SMYD3: variants seen among roughly 807,000 people sequenced by gnomAD.
SMYD3 encodes histone-lysine N-methyltransferase SMYD3.
Under a neutral mutation model 57.7 loss-of-function variants are expected in SMYD3, and 36 were observed. That is an observed-to-expected ratio of 0.62 (90% CI 0.48 to 0.82). The LOEUF (loss-of-function observed/expected upper bound fraction) is 0.82. SMYD3 is among the 40% of genes least tolerant of loss of function. The pLI is 0.00. For missense variants in SMYD3, 515 were observed against 538.8 expected (o/e 0.96, Z 0.44); for synonymous variants, 211 against 195.0 (o/e 1.08, Z -0.68).
intron 5 of SMYD3, among the ~76,000 whole-genome samples, chr1:246,303,333 T>C (rs920249552): frequency 6.6e-6 from 1 of 152,144 alleles, no homozygotes; most frequent in Non-Finnish European, 1.5e-5. Flanking sequence ...TGAGTGCTGT[T>C]TTAAGCCACT....
intron 5 of SMYD3, among the ~76,000 whole-genome samples, chr1:246,123,571 A>AACAAAC (rs2061457339): frequency 4.6e-5 from 6 of 129,488 alleles, no homozygotes; most frequent in Non-Finnish European, 8.2e-5. Context: ...TCCATCTCAA[A>AACAAAC]ACACACACAC....
Position 245,929,897 on chromosome 1 carries a change from T to C in SMYD3, c.572A>G (p.Gln191Arg), listed in dbSNP as rs1054051754. Residue 191 changes from glutamine to arginine, a missense_variant, in exon 6 of 12, where the codon CAG becomes CGG. Coordinates refer to ENST00000490107, the MANE Select transcript of SMYD3 (RefSeq NM_001167740.2). ...NSFTICNAEM[Q>R]EVGVGLYPSI... The stretch of plus-strand genomic sequence containing the variant: ...GGGATATAGGCCAACACCAACTTCC[T>C]GCATCTCCGCATTACAGATGGTGAA... 172 of 1,613,692 alleles carry C rather than the reference T, an allele frequency of 1.1e-4. No homozygotes were observed. Among genetic ancestry groups the C allele is most frequent in the Non-Finnish European group, 1.4e-4 (161 of 1,179,786 alleles).
chr1:245,883,981 T>G (rs1341734986), intron 8 of SMYD3, among the ~76,000 whole-genome samples: 1 of 152,202 alleles, frequency 6.6e-6, no homozygotes, highest in Non-Finnish European at 1.5e-5. Context: ...TGTCTAATAT[T>G]TCTATTTAAT....
At chr1:246,244,816 C>T (rs1483955828) in intron 5 of SMYD3, among the ~76,000 whole-genome samples, 1 of 152,214 alleles carries the variant, frequency 6.6e-6, no homozygotes, top group African/African-American at 2.4e-5. Context: ...TATCTGGCTA[C>T]AGCAGTTTTC....
chr1:245,853,331 G>A (rs766063459), intron 10 of SMYD3, among the ~76,000 whole-genome samples: 7 of 152,198 alleles, frequency 4.6e-5, no homozygotes, highest in South Asian at 2.1e-4. Flanking sequence ...TGACACAAGC[G>A]TCCTCAGAGA....
In SMYD3 at chr1:246,328,871, T is replaced by G. The variant is rs566843440; in HGVS notation, c.395-1534A>C. On this transcript the variant is annotated intron_variant, in intron 4 of 11. Coordinates refer to ENST00000490107, the MANE Select transcript of SMYD3 (RefSeq NM_001167740.2). ...CCACCCCACAACAGTCCCCAGAGTG[T>G]GCTGTTCCCCTTCCTGTGTCCATGT... is the stretch of plus-strand genomic sequence containing the variant. Among the ~76,000 whole-genome samples the G allele has an allele frequency of 4.0e-5, 6 of 151,054 alleles. No individual in the cohort carries two copies. In the East Asian group the frequency reaches 1.2e-3, roughly 30 times the overall value.
At chr1:245,764,216 G>T in intron 10 of SMYD3, 67 bp from the exon 11 acceptor site, 2 of 1,049,744 alleles carry the variant, frequency 1.9e-6, no homozygotes, top group Non-Finnish European at 3.0e-6. Context: ...TTCATCAGGA[G>T]ACTACGAAAG....
At chr1:245,979,013 A>G (rs1260476110) in intron 5 of SMYD3, among the ~76,000 whole-genome samples, 1 of 152,202 alleles carries the variant, frequency 6.6e-6, no homozygotes. Context: ...ACCGTATATC[A>G]GAGAGCCCTT....
At chr1:245,891,280 T>C (rs1269713015) in intron 8 of SMYD3, among the ~76,000 whole-genome samples, 1 of 152,246 alleles carries the variant, frequency 6.6e-6, no homozygotes, top group East Asian at 1.9e-4. Flanking sequence ...ATACCCCATT[T>C]ATCCTAACAT....
chr1:245,962,033 C>A (rs1240990691), intron 5 of SMYD3, among the ~76,000 whole-genome samples: 2 of 152,176 alleles, frequency 1.3e-5, no homozygotes, highest in African/African-American at 4.8e-5. Context: ...CTCAGAGCAG[C>A]CTGGCTTCCA....
intron 5 of SMYD3, among the ~76,000 whole-genome samples, chr1:246,070,745 G>A (rs944697494): frequency 6.6e-6 from 1 of 152,228 alleles, no homozygotes; most frequent in Admixed American, 6.5e-5. Flanking sequence ...AGTCCTACTG[G>A]AGGATGGTTT....
At chr1:245,901,452 G>A (rs2148615292) in intron 8 of SMYD3, among the ~76,000 whole-genome samples, 1 of 152,328 alleles carries the variant, frequency 6.6e-6, no homozygotes, top group South Asian at 2.1e-4. Context: ...AAAGGTATAT[G>A]AGTAACAGAA....
chr1:246,344,993 G>C (rs535272363), intron 2 of SMYD3, among the ~76,000 whole-genome samples: 1 of 152,182 alleles, frequency 6.6e-6, no homozygotes, highest in Non-Finnish European at 1.5e-5. Context: ...AAGAGAAAAG[G>C]AGGGAAACAG....
In SMYD3 at chr1:246,143,166, A is replaced by C. The variant is rs79001413; in HGVS notation, c.531+184035T>G. Among the ~76,000 whole-genome samples, 374 of 106,104 alleles carry C rather than the reference A, an allele frequency of 3.5e-3. 8 individuals carry two copies. The highest frequency in any genetic ancestry group is 0.014 in the African/African-American group (358 of 24,852). The allele number at this position is 106,104 out of a possible 152,430, so 69.6% of individuals were successfully genotyped here. A position where few individuals can be genotyped will look rare whatever the true frequency, so the allele number is the denominator to read the frequency against. On this transcript the variant is annotated intron_variant, in intron 5 of 11. Transcript: ENST00000490107. The stretch of plus-strand genomic sequence containing the variant: ...ACACACACACACACACACACACACA[A>C]ACATGCATCCTCCAATTAGACTAAC...
intron 5 of SMYD3, among the ~76,000 whole-genome samples, chr1:246,061,912 T>A (rs1360017468): frequency 1.3e-5 from 2 of 152,114 alleles, no homozygotes; most frequent in Admixed American, 1.3e-4. Context: ...AACCAAAGAT[T>A]GAATTCTTAT....
At chr1:246,209,222 GA>G (rs1329659505) in intron 5 of SMYD3, among the ~76,000 whole-genome samples, 3 of 152,136 alleles carry the variant, frequency 2.0e-5, no homozygotes, top group Non-Finnish European at 2.9e-5. Context: ...AACGAGGTCA[GA>G]AATGGCTGTG....
intron 8 of SMYD3, among the ~76,000 whole-genome samples, chr1:245,904,216 A>G (rs1305504953): frequency 6.6e-6 from 1 of 152,060 alleles, no homozygotes; most frequent in Non-Finnish European, 1.5e-5. Flanking sequence ...GTGAGTTCTC[A>G]TGAGATCTCA....
chr1:245,773,090 T>TAAAAAAAAAAAAAAAAAA (rs34679948), intron 10 of SMYD3, among the ~76,000 whole-genome samples: 1 of 86,250 alleles, frequency 1.2e-5, no homozygotes. Flanking sequence ...GGAGAATCAC[T>TAAAAAAAAAAAAAAAAAA]AAAAAAAAAA....
chr1:245,759,854 C>T (rs568860117), intron 11 of SMYD3, among the ~76,000 whole-genome samples: 1 of 152,156 alleles, frequency 6.6e-6, no homozygotes, highest in Admixed American at 6.5e-5. Context: ...TACACTAGGG[C>T]CAGGGTGAGG....
Sources: allele counts gnomAD v4.1 joint callset (sites outside exome capture counted in the v4.1 genomes callset), GRCh38; gene constraint gnomAD v4.1.1; transcripts MANE v1.5; gene names NCBI Gene and HGNC (gene_info 2026-07-23, HGNC 2026-07-21).